The following SESN1 variants were observed in gnomAD, a reference collection of about 807,000 sequenced individuals.
The protein encoded by SESN1 is sestrin-1.
In SESN1, 30 loss-of-function variants were observed where a neutral mutation model predicts 59.3. That is an observed-to-expected ratio of 0.51 (90% CI 0.38 to 0.69). SESN1 has a LOEUF of 0.69. SESN1 is among the 30% of genes least tolerant of loss of function. The pLI is 0.00. For synonymous variants in SESN1, 197 were observed against 219.9 expected (o/e 0.90, Z 0.92); for missense variants, 566 against 673.0 (o/e 0.84, Z 1.76).
At chr6:108,999,817 AC>A (rs1175740273) in intron 4 of SESN1, 8 of 152,182 alleles carry the variant, frequency 5.3e-5, no homozygotes, top group African/African-American at 1.9e-4. Context: ...AAAACAAGAA[AC>A]AAAAACCTAT....
rs1486599006 is a variant in SESN1 at position 108,987,431 on chromosome 6, A to T, written c.*113T>A. ...TAGCAGAAACTAAAGGAATCATGGC[A>T]CAATGGATTTCTGAATTATTTTGTC... On this transcript the variant is annotated 3_prime_UTR_variant, in exon 10 of 10. Coordinates refer to ENST00000436639, the MANE Select transcript of SESN1 (RefSeq NM_014454.3). 1.7e-6 allele frequency: 1 copy of T among 589,124 alleles called. No individual in the cohort carries two copies. Among genetic ancestry groups the T allele is most frequent in the East Asian group, 2.8e-5 (1 of 35,746 alleles). The allele number at this position is 589,124 out of a possible 1,614,324, so 36.5% of individuals were successfully genotyped here. A position where few individuals can be genotyped will look rare whatever the true frequency, so the allele number is the denominator to read the frequency against.
At chr6:109,044,891 C>T (rs544509694) in intron 1 of SESN1, among the ~76,000 whole-genome samples, 78 of 152,118 alleles carry the variant, frequency 5.1e-4, no homozygotes, top group African/African-American at 1.9e-3. Context: ...AGCGTGGTGG[C>T]GCATGCCTGT....
At chr6:109,063,500 G>A (rs1473630010) in intron 1 of SESN1, among the ~76,000 whole-genome samples, 1 of 152,146 alleles carries the variant, frequency 6.6e-6, no homozygotes, top group Non-Finnish European at 1.5e-5. Flanking sequence ...TCAAAATTTA[G>A]GGAACCACAG....
chr6:109,013,971 C>A (rs150247090), intron 1 of SESN1, among the ~76,000 whole-genome samples: 63 of 151,328 alleles, frequency 4.2e-4, no homozygotes, highest in African/African-American at 1.5e-3. Flanking sequence ...CCTTTTAGCA[C>A]TGAACTTTAA....
intron 1 of SESN1, among the ~76,000 whole-genome samples, chr6:109,027,585 A>G (rs189506967): frequency 3.3e-5 from 5 of 152,062 alleles, no homozygotes; most frequent in African/African-American, 9.6e-5. Flanking sequence ...GTTCTTAACA[A>G]GTGATTTTTT....
At chr6:108,991,595 T>C (rs985746671) in intron 7 of SESN1, among the ~76,000 whole-genome samples, 6 of 152,204 alleles carry the variant, frequency 3.9e-5, no homozygotes, top group Admixed American at 3.9e-4. Context: ...TTCTCCTACC[T>C]GCACTTCTGC....
chr6:109,037,060 T>C (rs1419715819), intron 1 of SESN1, among the ~76,000 whole-genome samples: 1 of 152,172 alleles, frequency 6.6e-6, no homozygotes, highest in Non-Finnish European at 1.5e-5. Context: ...ATATAGCTGT[T>C]ATATTCCTGA....
At chr6:109,044,384 G>A (rs1780390738) in intron 1 of SESN1, among the ~76,000 whole-genome samples, 1 of 132,566 alleles carries the variant, frequency 7.5e-6, no homozygotes, top group South Asian at 2.4e-4. Context: ...AAGGAAGAAA[G>A]GATAGTCTTT....
intron 9 of SESN1, 121 bp from the exon 10 acceptor site, chr6:108,987,751 TAA>T: frequency 2.0e-6 from 1 of 499,858 alleles, no homozygotes; most frequent in South Asian, 3.2e-5. Context: ...TAGTACAGCA[TAA>T]CTTAGCCTTG....
At chr6:109,042,549 C>G (rs2075224323) in intron 1 of SESN1, among the ~76,000 whole-genome samples, 1 of 150,346 alleles carries the variant, frequency 6.7e-6, no homozygotes, top group Non-Finnish European at 1.5e-5. Context: ...AAAAACAAAC[C>G]TGCAAAGACC....
At position 108,985,405 on chromosome 6, in the gene SESN1, C is replaced by G. The variant is rs1779157092; in HGVS notation, c.*2139G>C. On this transcript the variant is annotated 3_prime_UTR_variant, in exon 10 of 10. Transcript: ENST00000436639. The stretch of plus-strand genomic sequence containing the variant: ...TTTTGATATCCCCAGTGTAATGTAC[C>G]TTCCCTAATTATTTTGGAAACTACT... Among the ~76,000 whole-genome samples, 1 of 152,050 alleles carries G rather than the reference C, an allele frequency of 6.6e-6. No individual in the cohort carries two copies. Among genetic ancestry groups the G allele is most frequent in the Admixed American group, 6.6e-5 (1 of 15,252 alleles).
In SESN1 at chr6:109,068,006, T is replaced by C. The variant is rs144514464; in HGVS notation, c.279+25789A>G. On this transcript the variant is annotated intron_variant, in intron 1 of 9. Transcript: ENST00000436639. The stretch of plus-strand genomic sequence containing the variant: ...AGGCAGAAGTGGGTATATTCCTCTA[T>C]TGAAGGCCACAGTTCCTGTTAGGCA... Among the ~76,000 whole-genome samples the C allele has an allele frequency of 8.8e-3, 1,334 of 152,314 alleles. 23 individuals are homozygous for C. The highest frequency in any genetic ancestry group is 0.03 in the African/African-American group (1,247 of 41,566).
chr6:109,010,841 C>G (rs1290129468), intron 1 of SESN1, among the ~76,000 whole-genome samples: 1 of 152,162 alleles, frequency 6.6e-6, no homozygotes, highest in Admixed American at 6.5e-5. Context: ...ATCAAATGCC[C>G]ACTCAGCCGT....
chr6:108,990,544 GT>G, intron 8 of SESN1, 100 bp downstream of exon 8: 1 of 1,050,568 alleles, frequency 9.5e-7, no homozygotes, highest in Non-Finnish European at 1.4e-6. Context: ...GAGGGGATGG[GT>G]TTTGATTATG....
rs1781419991 is a variant in SESN1, at chr6:109,094,205, G to A, written c.-132C>T. Reference sequence around the variant, plus strand: ...AATCGTCATGAAAACACACATCTGGGTGACATTTGGAACCACTGGTGCCTT... The same window carrying A: ...AATCGTCATGAAAACACACATCTGGATGACATTTGGAACCACTGGTGCCTT... On this transcript the variant is annotated 5_prime_UTR_variant, in exon 1 of 10. Coordinates refer to ENST00000436639, the MANE Select transcript of SESN1 (RefSeq NM_014454.3). The A allele has an allele frequency of 9.8e-7, 1 of 1,016,902 alleles. No homozygotes were observed. The highest frequency in any genetic ancestry group is 2.6e-5 in the Admixed American group (1 of 39,004). 63.0% of individuals were successfully genotyped at this position (1,016,902 alleles called of 1,614,324 possible). A position where few individuals can be genotyped will look rare whatever the true frequency, so the allele number is the denominator to read the frequency against.
At chr6:109,090,843 C>T (rs893886820) in intron 1 of SESN1, among the ~76,000 whole-genome samples, 1 of 152,192 alleles carries the variant, frequency 6.6e-6, no homozygotes, top group Admixed American at 6.5e-5. Context: ...AATCACAGCT[C>T]ACTGCAACCT....
intron 1 of SESN1, among the ~76,000 whole-genome samples, chr6:109,061,307 T>C (rs1288548116): frequency 6.6e-6 from 1 of 152,062 alleles, no homozygotes. Flanking sequence ...GACCAAAAAA[T>C]TTTTTTCAAC....
rs186419808 is a variant in SESN1 at position 109,060,122 on chromosome 6, T to A, written c.279+33673A>T. On this transcript the variant is annotated intron_variant, in intron 1 of 9. Transcript: ENST00000436639. ...AGACAAACACATGTGTACACACACG[T>A]ACACACACACACACACACATTTATA... Among the ~76,000 whole-genome samples the A allele has an allele frequency of 4.0e-4, 60 of 149,902 alleles. No individual in the cohort carries two copies. In the East Asian group the frequency reaches 8.7e-3, roughly 22 times the overall value.
intron 1 of SESN1, among the ~76,000 whole-genome samples, chr6:109,041,589 T>C (rs952904382): frequency 6.6e-6 from 1 of 151,730 alleles, no homozygotes; most frequent in Admixed American, 6.6e-5. Context: ...GCAAAGAAAA[T>C]TACCAGAGAC....
Sources: gnomAD v4.1 joint callset for allele counts (sites outside exome capture counted in the v4.1 genomes callset) on GRCh38, gnomAD v4.1.1 for gene constraint, MANE v1.5 for transcripts, NCBI Gene and HGNC (gene_info 2026-07-23, HGNC 2026-07-21) for gene names.